DIABLO: variants seen among roughly 807,000 people sequenced by gnomAD.
DIABLO encodes the protein diablo homolog, mitochondrial.
Under a neutral mutation model 31.7 loss-of-function variants are expected in DIABLO, and 32 were observed. The ratio of observed to expected loss-of-function variants is 1.01; its 90% CI spans 0.76 to 1.35. DIABLO has a LOEUF of 1.35. Ranked by LOEUF, DIABLO falls within the 40% of genes most tolerant of loss-of-function variation. DIABLO has a pLI of 0.00. For missense variants in DIABLO, 316 were observed against 286.4 expected (o/e 1.10, Z -0.75); for synonymous variants, 132 against 103.2 (o/e 1.28, Z -1.69).
intron 5 of DIABLO, among the ~76,000 whole-genome samples, chr12:122,211,553 A>G (rs918886599): frequency 2.0e-5 from 3 of 152,042 alleles, no homozygotes; most frequent in African/African-American, 7.2e-5. Flanking sequence ...TTAAAAAAAA[A>G]AAAGAAAATT....
chr12:122,225,665 C>T, intron 1 of DIABLO: 1 of 1,365,038 alleles, frequency 7.3e-7, no homozygotes, highest in Non-Finnish European at 9.5e-7. Flanking sequence ...CACGTCTCCT[C>T]AGGGACTTCG....
chr12:122,215,690 C>A (rs759110502), intron 5 of DIABLO, among the ~76,000 whole-genome samples: 2 of 151,846 alleles, frequency 1.3e-5, no homozygotes, highest in Non-Finnish European at 2.9e-5. Context: ...TGGGGCACCA[C>A]GGTGCAAAGG....
chr12:122,217,150 G>T, intron 3 of DIABLO: 1 of 392,426 alleles, frequency 2.5e-6, no homozygotes. Flanking sequence ...GAAAAAAGCT[G>T]CTGGAAAATA....
chr12:122,222,768 G>A (rs909092106), intron 2 of DIABLO, among the ~76,000 whole-genome samples: 1 of 151,978 alleles, frequency 6.6e-6, no homozygotes, highest in Non-Finnish European at 1.5e-5. Context: ...TCCCTCGCAC[G>A]TGTAGTTCAC....
intron 1 of DIABLO, chr12:122,224,865 G>A (rs1415380251): frequency 3.4e-6 from 5 of 1,460,980 alleles, no homozygotes; most frequent in East Asian, 2.8e-5. Context: ...GCACTTGGAA[G>A]GCCAAGGGCA....
chr12:122,208,267 G>T lies in DIABLO; in HGVS notation c.*114C>A. The T allele has an allele frequency of 7.8e-7, 1 of 1,276,252 alleles. No individual in the cohort carries two copies. The highest frequency in any genetic ancestry group is 1.1e-6 in the Non-Finnish European group (1 of 894,784). 79.1% of individuals were successfully genotyped at this position (1,276,252 alleles called of 1,614,324 possible). A position where few individuals can be genotyped will look rare whatever the true frequency, so the allele number is the denominator to read the frequency against. On this transcript the variant is annotated 3_prime_UTR_variant, in exon 6 of 6. Coordinates refer to ENST00000464942, the MANE Select transcript of DIABLO (RefSeq NM_001371333.1). ...AAGGCGTCTCGCCTGATTGGCCAGG[G>T]CAGGATCTGCCGCCTCTTCTCGGTG...
chr12:122,225,280 C>A (rs1258554333), intron 1 of DIABLO: 2 of 511,796 alleles, frequency 3.9e-6, no homozygotes, highest in Non-Finnish European at 5.1e-6. Flanking sequence ...CCCAGCTACT[C>A]GGGAGGCTGA....
At chr12:122,212,495 T>C (rs905502625) in intron 5 of DIABLO, among the ~76,000 whole-genome samples, 2 of 152,212 alleles carry the variant, frequency 1.3e-5, no homozygotes, top group African/African-American at 4.8e-5. Flanking sequence ...TCACCTCTAG[T>C]GTTGCGGAGA....
chr12:122,225,454 C>A (rs1421622102), intron 1 of DIABLO: 5 of 1,006,906 alleles, frequency 5.0e-6, no homozygotes, highest in Non-Finnish European at 5.9e-6. Context: ...AATAACCGCT[C>A]CTGCAGGCAG....
At chr12:122,226,059 G>C (rs1954463354), upstream of DIABLO, 12 of 1,580,248 alleles carry the variant, frequency 7.6e-6, no homozygotes, top group Non-Finnish European at 9.4e-6. Flanking sequence ...AAGTGACGCA[G>C]CTTCGTGAGC....
intron 2 of DIABLO, among the ~76,000 whole-genome samples, chr12:122,219,882 G>A (rs2136101724): frequency 6.6e-6 from 1 of 151,322 alleles, no homozygotes; most frequent in South Asian, 2.1e-4. Context: ...AAAAAAAGTG[G>A]ATGGGGGAGG....
rs370571609 is a variant in DIABLO at position 122,218,260 on chromosome 12, A to T, written c.315+6T>A. ...TTAGAAGATCAAGAGTTAAGAGGAG[A>T]CATACCTTAGTATATTCAGTAATAG... On this transcript the variant is annotated splice_donor_region_variant and intron_variant, in intron 3 of 5. Coordinates refer to ENST00000464942, the MANE Select transcript of DIABLO (RefSeq NM_001371333.1). 7.8e-4 allele frequency: 1,255 copies of T among 1,614,092 alleles called. 1 individual carries two copies. Among genetic ancestry groups the T allele is most frequent in the Non-Finnish European group, 9.4e-4 (1,109 of 1,179,982 alleles).
In DIABLO at chr12:122,208,445, T is replaced by G; in HGVS notation, c.656A>C (p.Lys219Thr). Residue 219 changes from lysine to threonine, a missense_variant, in exon 6 of 6, where the codon AAA becomes ACA. Physicochemically the swap from Lys to Thr is moderately conservative, Grantham distance 78. Transcript: ENST00000464942. ...AEAQIEELRQ[K>T]TQEEGEERAE... ...CCGCTCCTCCCCTTCCTCCTGTGTT[T>G]TCTGACGGAGCTCTTCTATCTGTGC... 1 of 1,614,070 alleles carries G rather than the reference T, an allele frequency of 6.2e-7. No individual in the cohort carries two copies.
At chr12:122,224,821 G>C in intron 1 of DIABLO, 177 bp from the exon 2 acceptor site, 1 of 1,521,602 alleles carries the variant, frequency 6.6e-7, no homozygotes, top group East Asian at 2.5e-5. Context: ...TGTTGCCTCA[G>C]GCAGGGTGTT....
At position 122,218,244 on chromosome 12, in the gene DIABLO, CAAGAGTT is replaced by C; in HGVS notation, c.315+15_315+21del. The C allele has an allele frequency of 6.2e-7, 1 of 1,613,830 alleles. No homozygotes were observed. The highest frequency in any genetic ancestry group is 8.5e-7 in the Non-Finnish European group (1 of 1,179,838). Reference sequence around the variant, plus strand: ...TTTGCTAAACCATGGTTTAGAAGATCAAGAGTTAAGAGGAGACATACCTTAGTATATT... The same window carrying C: ...TTTGCTAAACCATGGTTTAGAAGATCAAGAGGAGACATACCTTAGTATATT... On this transcript the variant is annotated intron_variant, in intron 3 of 5. Coordinates refer to ENST00000464942, the MANE Select transcript of DIABLO (RefSeq NM_001371333.1).
chr12:122,216,145 A>G lies in DIABLO; in HGVS notation c.523+343T>C, dbSNP rs115937292. On this transcript the variant is annotated intron_variant, in intron 5 of 5. Coordinates refer to ENST00000464942, the MANE Select transcript of DIABLO (RefSeq NM_001371333.1). ...ACATAGATTACTCATCTCAAGTCTC[A>G]GCCAACGGTGTAATTCTATGATTGT... Among the ~76,000 whole-genome samples, 617 of 152,330 alleles carry G rather than the reference A, an allele frequency of 4.1e-3. 1 individual carries two copies. Among genetic ancestry groups the G allele is most frequent in the African/African-American group, 0.014 (584 of 41,582 alleles).
chr12:122,226,601 GC>G, upstream of DIABLO: 1 of 684,502 alleles, frequency 1.5e-6, no homozygotes. Flanking sequence ...TCGGCGGCCT[GC>G]CGGGCTGGCG....
At chr12:122,212,082 T>C (rs1457846183) in intron 5 of DIABLO, among the ~76,000 whole-genome samples, 1 of 152,020 alleles carries the variant, frequency 6.6e-6, no homozygotes, top group Non-Finnish European at 1.5e-5. Flanking sequence ...CTGATCCATC[T>C]GACTTGGCCT....
Position 122,224,818 on chromosome 12 carries a change from T to C in DIABLO, c.51-174A>G. The stretch of plus-strand genomic sequence containing the variant: ...CATACACCAAGTTTAAAATGTTGCC[T>C]CAGGCAGGGTGTTGGTGGCTCACGC... On this transcript the variant is annotated intron_variant, in intron 1 of 5. Transcript: ENST00000464942. 3 of 1,522,810 alleles carry C rather than the reference T, an allele frequency of 2.0e-6. No individual in the cohort carries two copies. The Admixed American group carries it at 5.9e-5, about 30-fold the overall frequency. The allele number at this position is 1,522,810 out of a possible 1,614,324, so 94.3% of individuals were successfully genotyped here.
Sources: allele counts gnomAD v4.1 joint callset (sites outside exome capture counted in the v4.1 genomes callset), GRCh38; gene constraint gnomAD v4.1.1; transcripts MANE v1.5; gene names NCBI Gene and HGNC (gene_info 2026-07-23, HGNC 2026-07-21).